Variants in QRICH1 observed in about 807,000 individuals in gnomAD.
QRICH1 encodes the protein transcriptional regulator QRICH1.
QRICH1 carries 16 observed loss-of-function variants against 87.1 expected under a neutral mutation model. That is an observed-to-expected ratio of 0.18 (90% CI 0.12 to 0.28). QRICH1 has a LOEUF of 0.28. Ranked by LOEUF, QRICH1 falls within the 10% of genes least tolerant of loss-of-function variation. The pLI, the probability that QRICH1 is intolerant of heterozygous loss-of-function variation, is 1.00. For synonymous variants in QRICH1, 367 were observed against 368.4 expected (o/e 1.00, Z 0.05); for missense variants, 647 against 951.7 (o/e 0.68, Z 4.21).
chr3:49,072,455 G>A (rs1019489852), intron 2 of QRICH1, among the ~76,000 whole-genome samples: 3 of 151,770 alleles, frequency 2.0e-5, no homozygotes, highest in African/African-American at 7.3e-5. Flanking sequence ...GAGCCTGGGA[G>A]GCTGGGGTTG....
chr3:49,066,673 G>A lies in QRICH1; in HGVS notation c.310-8783C>T, dbSNP rs568398236. 2.6e-5 allele frequency among the ~76,000 whole-genome samples: 4 copies of A among 152,102 alleles called. No homozygotes were observed. In the East Asian group the frequency reaches 7.7e-4, roughly 29 times the overall value. ...TTGAGACAAGGTTTCACAAAGGCAT[G>A]AGCCACTGCACCCAGATGATTTTTC... On this transcript the variant is annotated intron_variant, in intron 2 of 9. Transcript: ENST00000395443.
At chr3:49,063,078 T>A (rs998756165) in intron 2 of QRICH1, among the ~76,000 whole-genome samples, 1 of 152,014 alleles carries the variant, frequency 6.6e-6, no homozygotes, top group African/African-American at 2.4e-5. Flanking sequence ...TGTGAATCCA[T>A]GGGGAAATTT....
chr3:49,048,478 A>T (rs1347538233), intron 3 of QRICH1, among the ~76,000 whole-genome samples: 1 of 139,048 alleles, frequency 7.2e-6, no homozygotes, highest in Non-Finnish European at 1.6e-5. Context: ...GGATTGCTTT[A>T]AAAAAAAAAA....
At chr3:49,080,375 CA>C (rs1459926331) in intron 1 of QRICH1, among the ~76,000 whole-genome samples, 1 of 151,712 alleles carries the variant, frequency 6.6e-6, no homozygotes, top group African/African-American at 2.4e-5. Flanking sequence ...TTACATGCAG[CA>C]AAAACCTGTT....
chr3:49,052,738 C>T (rs1169756084), intron 3 of QRICH1, among the ~76,000 whole-genome samples: 2 of 151,962 alleles, frequency 1.3e-5, no homozygotes, highest in Non-Finnish European at 2.9e-5. Flanking sequence ...CTCCTGACCT[C>T]GTGATCCACC....
intron 2 of QRICH1, among the ~76,000 whole-genome samples, chr3:49,063,644 A>G (rs2093448310): frequency 6.6e-6 from 1 of 152,110 alleles, no homozygotes; most frequent in Non-Finnish European, 1.5e-5. Context: ...TTTAAAAATT[A>G]CCTGGGCGTG....
At chr3:49,089,171 T>C (rs924762798) in intron 1 of QRICH1, among the ~76,000 whole-genome samples, 1 of 152,070 alleles carries the variant, frequency 6.6e-6, no homozygotes, top group Non-Finnish European at 1.5e-5. Flanking sequence ...GCGATTCTCC[T>C]GCCTCATCTT....
Position 49,030,636 on chromosome 3 carries a change from C to A in QRICH1, c.2147G>T (p.Ser716Ile). ...YDFYLFKCPQ[S>I]VKGRNDTFYL... ...AAAGGTGTCATTCCGGCCTTTCACA[C>A]TCTGGGGGCTGAAGAATATGCGGAT... Residue 716 changes from serine to isoleucine, a missense_variant, in exon 10 of 10, where the codon AGT becomes ATT. This residue lies in a region of QRICH1 where 56 missense variants were observed against 79.4 expected (regional missense o/e 0.71). Transcript: ENST00000395443. The A allele has an allele frequency of 1.3e-6, 2 of 1,570,416 alleles. No individual in the cohort carries two copies. Among genetic ancestry groups the A allele is most frequent in the Non-Finnish European group, 1.7e-6 (2 of 1,157,164 alleles).
intron 6 of QRICH1, among the ~76,000 whole-genome samples, chr3:49,043,036 C>T (rs967841815): frequency 6.6e-6 from 1 of 152,006 alleles, no homozygotes; most frequent in South Asian, 2.1e-4. Context: ...CTATAGTTAA[C>T]AATAATGTAT....
At chr3:49,047,444 T>C (rs2093345016) in intron 3 of QRICH1, among the ~76,000 whole-genome samples, 198 bp from the exon 4 acceptor site, 1 of 151,642 alleles carries the variant, frequency 6.6e-6, no homozygotes, top group South Asian at 2.1e-4. Context: ...ACTGGGCTAG[T>C]GCAGTGCTTC....
chr3:49,057,926 G>A lies in QRICH1; in HGVS notation c.310-36C>T. The A allele has an allele frequency of 6.2e-7, 1 of 1,613,842 alleles. No homozygotes were observed. Among genetic ancestry groups the A allele is most frequent in the Non-Finnish European group, 8.5e-7 (1 of 1,179,998 alleles). ...CAAGATTCATCAGTGAGTGAACCAG[G>A]CAGCACTGAAAATCCAGTACCCAAG... On this transcript the variant is annotated intron_variant, in intron 2 of 9. Coordinates refer to ENST00000395443, the MANE Select transcript of QRICH1 (RefSeq NM_198880.3). The surrounding 1 kb of genome is among the most constrained non-coding windows in gnomAD (Gnocchi z 5.4).
intron 2 of QRICH1, among the ~76,000 whole-genome samples, chr3:49,067,397 C>T (rs1322342088): frequency 2.6e-5 from 4 of 151,340 alleles, no homozygotes; most frequent in Admixed American, 6.6e-5. Flanking sequence ...GAAACCCCGT[C>T]TCTACTAAAA....
In QRICH1 at chr3:49,057,681, G is replaced by C; in HGVS notation, c.519C>G (p.His173Gln). ...CCTGGATCTGCTGGGCTGCTTGCACGTGCTGCACCTGGATCTGAGCTGCTT... is the reference window on the plus strand; with the variant it reads ...CCTGGATCTGCTGGGCTGCTTGCACCTGCTGCACCTGGATCTGAGCTGCTT... ...QLQAAQIQVQHVQAAQQIQAA... is the reference protein window; with the variant it reads ...QLQAAQIQVQQVQAAQQIQAA... The change falls in exon 3 of 10, where the codon CAC (histidine) becomes CAG (glutamine). Residue 173 changes from histidine (H) to glutamine (Q), a missense_variant. His to Gln is a conservative substitution (Grantham distance 24, BLOSUM62 0). Around this residue, in one of 7 missense-constraint regions of QRICH1, gnomAD observed 156 missense variants for 164.5 expected, o/e 0.95. Transcript: ENST00000395443. This position sits in a 1 kb window ranked among gnomAD's most constrained non-coding sequence, Gnocchi z 5.4. The C allele has an allele frequency of 6.2e-7, 1 of 1,614,192 alleles. No individual in the cohort carries two copies. Among genetic ancestry groups the C allele is most frequent in the Non-Finnish European group, 8.5e-7 (1 of 1,180,034 alleles).
At chr3:49,068,777 C>A (rs2093483179) in intron 2 of QRICH1, among the ~76,000 whole-genome samples, 1 of 151,790 alleles carries the variant, frequency 6.6e-6, no homozygotes, top group Non-Finnish European at 1.5e-5. Context: ...CACAGTCATG[C>A]ACCACCATGC....
chr3:49,051,595 C>T (rs1243186369), intron 3 of QRICH1, among the ~76,000 whole-genome samples: 54 of 138,850 alleles, frequency 3.9e-4, no homozygotes, highest in African/African-American at 1.4e-3. Flanking sequence ...CCCCCCCCCC[C>T]CTCCGCTTAA....
At chr3:49,042,832 C>T (rs2093318448) in intron 6 of QRICH1, among the ~76,000 whole-genome samples, 1 of 152,238 alleles carries the variant, frequency 6.6e-6, no homozygotes, top group South Asian at 2.1e-4. Flanking sequence ...CTCTGCCTCC[C>T]AAAGTGCTGG....
At chr3:49,085,154 A>T (rs529973494) in intron 1 of QRICH1, among the ~76,000 whole-genome samples, 8 of 152,304 alleles carry the variant, frequency 5.3e-5, no homozygotes, top group Admixed American at 3.9e-4. Flanking sequence ...AAAAAAAAAA[A>T]ATCATCTTTT....
At chr3:49,064,455 G>T (rs2093454982) in intron 2 of QRICH1, among the ~76,000 whole-genome samples, 1 of 151,798 alleles carries the variant, frequency 6.6e-6, no homozygotes, top group Admixed American at 6.6e-5. Context: ...GTTGCCCCAT[G>T]TTGGCCAACC....
At position 49,056,673 on chromosome 3, in the gene QRICH1, C is replaced by T. The variant is rs2106902183; in HGVS notation, c.1338+189G>A. The T allele has an allele frequency of 6.4e-6, 7 of 1,091,560 alleles. No homozygotes were observed. The South Asian group carries it at 1.1e-4, about 17-fold the overall frequency. 67.6% of individuals were successfully genotyped at this position (1,091,560 alleles called of 1,614,324 possible). A position where few individuals can be genotyped will look rare whatever the true frequency, so the allele number is the denominator to read the frequency against. ...TGGCCATCTCATTTACCTCCAGGTA[C>T]CAGGATAAACTCTTTTTTCTGTTGC... On this transcript the variant is annotated intron_variant, in intron 3 of 9. Transcript: ENST00000395443.
Sources: gnomAD v4.1 joint callset for allele counts (sites outside exome capture counted in the v4.1 genomes callset) on GRCh38, gnomAD v4.1.1 for gene constraint, gnomAD v4.1.1 regional missense constraint, Gnocchi (gnomAD v3.1) non-coding constraint, MANE v1.5 for transcripts, NCBI Gene and HGNC (gene_info 2026-07-23, HGNC 2026-07-21) for gene names.